TJP2: variants seen among roughly 807,000 people sequenced by gnomAD.
TJP2 encodes the protein tight junction protein 2, also known as Friedreich ataxia region gene X104 (tight junction protein ZO-2).
Under a neutral mutation model 133.1 loss-of-function variants are expected in TJP2, and 91 were observed. The observed-to-expected ratio is 0.68, with a 90% confidence interval of 0.58 to 0.81. The LOEUF (loss-of-function observed/expected upper bound fraction) is 0.81. Among genes scored for constraint, TJP2 ranks in the 40% least tolerant of loss-of-function variants. The pLI, the probability that TJP2 is intolerant of heterozygous loss-of-function variation, is 0.00. For synonymous variants in TJP2, 592 were observed against 583.4 expected (o/e 1.01, Z -0.21); for missense variants, 1,541 against 1,565.6 (o/e 0.98, Z 0.26).
intron 1 of TJP2, among the ~76,000 whole-genome samples, chr9:69,201,312 T>C (rs1826972666): frequency 6.6e-6 from 1 of 152,220 alleles, no homozygotes; most frequent in South Asian, 2.1e-4. Flanking sequence ...CAAGTACTGG[T>C]TGGAGCAGGC....
chr9:69,136,909 G>C (rs1017400839), intron 1 of TJP2, among the ~76,000 whole-genome samples: 13 of 152,166 alleles, frequency 8.5e-5, no homozygotes, highest in Non-Finnish European at 1.6e-4. Flanking sequence ...GAAGAGGTTG[G>C]GGGTGTGGGA....
intron 1 of TJP2, among the ~76,000 whole-genome samples, chr9:69,198,159 T>TTTTTA (rs10674501): frequency 1.4e-4 from 18 of 133,132 alleles, no homozygotes; most frequent in East Asian, 2.3e-4. Flanking sequence ...TTTTTTTTTT[T>TTTTTA]GAGACTGAGT....
chr9:69,223,784 T>G (rs1463550162), intron 5 of TJP2, among the ~76,000 whole-genome samples: 1 of 152,340 alleles, frequency 6.6e-6, no homozygotes, highest in East Asian at 1.9e-4. Flanking sequence ...GACTATCAGC[T>G]TCCTAAAGGA....
intron 22 of TJP2, 83 bp from the exon 23 acceptor site, chr9:69,254,126 A>T (rs752656458): frequency 4.3e-5 from 64 of 1,488,766 alleles, no homozygotes; most frequent in Non-Finnish European, 5.8e-5. Flanking sequence ...ATACCCAGTC[A>T]CTGTGCTCAG....
chr9:69,239,832 ACAAAC>A, intron 16 of TJP2, 100 bp from the exon 17 acceptor site: 2 of 996,818 alleles, frequency 2.0e-6, no homozygotes, highest in Non-Finnish European at 1.6e-6. Flanking sequence ...AAACAAACAA[ACAAAC>A]AAGATATATC....
rs1310545927 is a variant in TJP2, at chr9:69,228,091, C to T, written c.1430C>T (p.Pro477Leu). ...GTTGTCCCAGAGACCAACAAGGAAC[C>T]CAGATACCAAGAGGACCCCCCAGGT... is the stretch of plus-strand genomic sequence containing the variant. The part of the protein sequence containing the change: ...GTVVPETNKE[P>L]RYQEDPPAPQ... Residue 477 changes from proline (P) to leucine (L), a missense_variant, in exon 9 of 23, where the codon CCC (proline) becomes CTC (leucine). Transcript: ENST00000377245. 7 of 1,612,200 alleles carry T rather than the reference C, an allele frequency of 4.3e-6. No individual in the cohort carries two copies. Among genetic ancestry groups the T allele is most frequent in the Non-Finnish European group, 5.1e-6 (6 of 1,179,190 alleles).
At chr9:69,162,045 CAAAT>C (rs540289122) in intron 2 of TJP2, among the ~76,000 whole-genome samples, 17 of 148,332 alleles carry the variant, frequency 1.1e-4, no homozygotes, top group African/African-American at 3.2e-4. Context: ...AACTCCATCT[CAAAT>C]AAATAAATAA....
chr9:69,122,841 G>C (rs950691645), intron 1 of TJP2, among the ~76,000 whole-genome samples: 2 of 152,168 alleles, frequency 1.3e-5, no homozygotes, highest in Admixed American at 1.3e-4. Flanking sequence ...TTCCACAAAC[G>C]TGGTCGGTAG....
chr9:69,246,801 T>C lies in TJP2; in HGVS notation c.2667+11T>C. On this transcript the variant is annotated intron_variant, in intron 18 of 22. Transcript: ENST00000377245. ...GTCTCTGAAGGAAAGGTATGTGGCATAGATATGCTGCTATGAGGTGAGAGT... is the reference window on the plus strand; with the variant it reads ...GTCTCTGAAGGAAAGGTATGTGGCACAGATATGCTGCTATGAGGTGAGAGT... The C allele has an allele frequency of 6.2e-7, 1 of 1,610,730 alleles. No homozygotes were observed. Among genetic ancestry groups the C allele is most frequent in the Non-Finnish European group, 8.5e-7 (1 of 1,176,882 alleles).
chr9:69,190,567 A>C (rs1378500928), intron 1 of TJP2, among the ~76,000 whole-genome samples: 1 of 152,050 alleles, frequency 6.6e-6, no homozygotes, highest in Non-Finnish European at 1.5e-5. Context: ...AACACTCAAA[A>C]CAAGTTTATC....
chr9:69,174,540 C>G, intron 1 of TJP2, 108 bp downstream of exon 1: 15 of 1,291,064 alleles, frequency 1.2e-5, no homozygotes, highest in Non-Finnish European at 1.6e-5. Flanking sequence ...CCCGATGCGC[C>G]GTAGGAAGCT....
intron 9 of TJP2, among the ~76,000 whole-genome samples, chr9:69,228,325 A>T (rs1829504722): frequency 6.6e-6 from 1 of 152,312 alleles, no homozygotes; most frequent in East Asian, 1.9e-4. Flanking sequence ...ATGGACATAG[A>T]GGTGGCAGTA....
rs149659876 is a variant in TJP2, at chr9:69,248,064, T to C, written c.2720T>C (p.Met907Thr). 7.4e-5 allele frequency: 120 copies of C among 1,614,000 alleles called. No homozygotes were observed. The African/African-American group carries it at 1.4e-3, about 19-fold the overall frequency. ...PEDRMSYLTA[M>T]GADYLSCDSR... ...GACCGCATGTCCTACTTAACCGCCA[T>C]GGGCGCGGACTATCTGAGTTGCGAC... The change falls in exon 19 of 23, where the codon ATG becomes ACG. Residue 907 changes from methionine to threonine, a missense_variant. By Grantham distance (81) the Met-to-Thr change is moderately conservative. Coordinates refer to ENST00000377245, the MANE Select transcript of TJP2 (RefSeq NM_004817.4).
chr9:69,242,902 C>T (rs1277908709), intron 17 of TJP2, among the ~76,000 whole-genome samples: 2 of 152,182 alleles, frequency 1.3e-5, no homozygotes, highest in Non-Finnish European at 2.9e-5. Flanking sequence ...CTCCCTCTGT[C>T]GCCCAAGCTA....
chr9:69,180,518 C>T (rs548116970), intron 1 of TJP2, among the ~76,000 whole-genome samples: 9 of 152,008 alleles, frequency 5.9e-5, no homozygotes, highest in African/African-American at 1.2e-4. Context: ...GGAAGTGTTC[C>T]GAGTTCTAGG....
chr9:69,176,651 C>T (rs913974351), intron 1 of TJP2, among the ~76,000 whole-genome samples: 1 of 152,184 alleles, frequency 6.6e-6, no homozygotes, highest in Admixed American at 6.5e-5. Flanking sequence ...ACATCACCCC[C>T]GGGGGAATTG....
intron 1 of TJP2, among the ~76,000 whole-genome samples, chr9:69,205,670 A>G (rs1013116787): frequency 5.3e-5 from 8 of 152,354 alleles, no homozygotes; most frequent in African/African-American, 1.9e-4. Context: ...TGTTTTTCAC[A>G]TGTTCTTTTT....
At chr9:69,229,381 C>G in intron 10 of TJP2, 131 bp downstream of exon 10, 1 of 849,600 alleles carries the variant, frequency 1.2e-6, no homozygotes, top group Non-Finnish European at 2.1e-6. Flanking sequence ...TAACCAATCC[C>G]CATTGGTAGT....
chr9:69,248,788 T>C, intron 19 of TJP2: 2 of 994,618 alleles, frequency 2.0e-6, no homozygotes, highest in South Asian at 9.1e-5. Context: ...TGAAATCACA[T>C]TGACAGGCAC....
Sources: allele counts gnomAD v4.1 joint callset (sites outside exome capture counted in the v4.1 genomes callset), GRCh38; gene constraint gnomAD v4.1.1; transcripts MANE v1.5; gene names NCBI Gene and HGNC (gene_info 2026-07-23, HGNC 2026-07-21).